PPM1H: variants seen among roughly 807,000 people sequenced by gnomAD.
PPM1H encodes the protein protein phosphatase 1H.
A neutral mutation model predicts 54.9 loss-of-function variants in PPM1H; 27 were observed. That is an observed-to-expected ratio of 0.49 (90% CI 0.36 to 0.68). The LOEUF is 0.68. Ranked by LOEUF, PPM1H falls within the 30% of genes least tolerant of loss-of-function variation. The probability of loss-of-function intolerance (pLI) is 0.00; values close to 1 mark genes in which losing one functional copy is unlikely to be tolerated. For synonymous variants in PPM1H, 305 were observed against 270.8 expected (o/e 1.13, Z -1.24); for missense variants, 596 against 667.8 (o/e 0.89, Z 1.19).
At chr12:62,921,761 C>A (rs1399073092) in intron 1 of PPM1H, among the ~76,000 whole-genome samples, 1 of 152,130 alleles carries the variant, frequency 6.6e-6, no homozygotes, top group Non-Finnish European at 1.5e-5. Context: ...CCAGCCAGGG[C>A]AACACAGTGA....
intron 4 of PPM1H, chr12:62,755,970 G>C (rs2076472059): frequency 9.2e-7 from 1 of 1,091,640 alleles, no homozygotes; most frequent in Non-Finnish European, 1.4e-6. Flanking sequence ...CTGAACTGCT[G>C]TCTGGAAAAA....
chr12:62,786,011 C>G (rs921689987), intron 4 of PPM1H, among the ~76,000 whole-genome samples: 1 of 152,094 alleles, frequency 6.6e-6, no homozygotes, highest in African/African-American at 2.4e-5. Context: ...GTAGGGTGGG[C>G]CTGTTTCCAG....
chr12:62,883,225 T>C (rs142447139), intron 1 of PPM1H, among the ~76,000 whole-genome samples: 290 of 152,210 alleles, frequency 1.9e-3, no homozygotes, highest in African/African-American at 6.7e-3. Context: ...GGGGAGAAGT[T>C]GCTAATCTGC....
At chr12:62,722,893 A>C (rs1342229984) in intron 5 of PPM1H, among the ~76,000 whole-genome samples, 3 of 152,176 alleles carry the variant, frequency 2.0e-5, no homozygotes, top group Non-Finnish European at 4.4e-5. Flanking sequence ...TCATATATGC[A>C]CAGATCTTTA....
intron 1 of PPM1H, among the ~76,000 whole-genome samples, chr12:62,881,579 C>T (rs1380423918): frequency 6.6e-6 from 1 of 152,166 alleles, no homozygotes; most frequent in African/African-American, 2.4e-5. Flanking sequence ...ATTGCATAAG[C>T]CAATTCCTTG....
chr12:62,719,290 T>A (rs891529611), intron 6 of PPM1H, among the ~76,000 whole-genome samples: 2 of 152,188 alleles, frequency 1.3e-5, no homozygotes, highest in Non-Finnish European at 2.9e-5. Context: ...GGGGAAGAGA[T>A]AAGAAAATCT....
At chr12:62,773,345 C>A (rs2120655529) in intron 4 of PPM1H, among the ~76,000 whole-genome samples, 1 of 152,100 alleles carries the variant, frequency 6.6e-6, no homozygotes, top group Middle Eastern at 3.4e-3. Context: ...TGTGGTGGCA[C>A]ATGCCTGTGA....
At chr12:62,688,219 C>T (rs1376334018) in intron 8 of PPM1H, among the ~76,000 whole-genome samples, 4 of 152,034 alleles carry the variant, frequency 2.6e-5, no homozygotes, top group African/African-American at 9.7e-5. Flanking sequence ...ACAGAGGCTG[C>T]CCCTCCTTTC....
At chr12:62,858,108 T>TC (rs1305845883) in intron 1 of PPM1H, among the ~76,000 whole-genome samples, 1 of 143,952 alleles carries the variant, frequency 6.9e-6, no homozygotes, top group African/African-American at 2.6e-5. Context: ...CCCCTACCAC[T>TC]CCCCAGATAA....
chr12:62,879,942 G>A (rs144735880), intron 1 of PPM1H, among the ~76,000 whole-genome samples: 196 of 152,222 alleles, frequency 1.3e-3, no homozygotes, highest in African/African-American at 4.6e-3. Flanking sequence ...AGACAGCCTG[G>A]ATTAGACACT....
At chr12:62,902,560 C>T (rs1182889124) in intron 1 of PPM1H, among the ~76,000 whole-genome samples, 1 of 152,122 alleles carries the variant, frequency 6.6e-6, no homozygotes. Context: ...CTCATGGGGT[C>T]CCCCCGCCCC....
At chr12:62,723,579 C>T (rs2076274762) in intron 5 of PPM1H, among the ~76,000 whole-genome samples, 1 of 152,178 alleles carries the variant, frequency 6.6e-6, no homozygotes, top group South Asian at 2.1e-4. Context: ...TCTTGCCCTT[C>T]CACCTTCTGC....
chr12:62,810,336 A>C (rs1475928318), intron 2 of PPM1H, among the ~76,000 whole-genome samples: 2 of 152,132 alleles, frequency 1.3e-5, no homozygotes, highest in African/African-American at 4.8e-5. Context: ...CCAAGCAAAT[A>C]AGGAGTCTGC....
intron 4 of PPM1H, among the ~76,000 whole-genome samples, chr12:62,785,912 G>C (rs539665896): frequency 6.6e-6 from 1 of 151,718 alleles, no homozygotes; most frequent in Admixed American, 6.6e-5. Flanking sequence ...GTTGAGTCTC[G>C]AAGAACAGTC....
chr12:62,659,960 A>G (rs548880951), intron 9 of PPM1H, among the ~76,000 whole-genome samples: 1 of 152,340 alleles, frequency 6.6e-6, no homozygotes, highest in African/African-American at 2.4e-5. Flanking sequence ...TCTCCACTGA[A>G]AATTAAACAG....
Position 62,646,794 on chromosome 12 carries a change from AGCAG to A in PPM1H, c.*1691_*1694del, listed in dbSNP as rs1286952279. On this transcript the variant is annotated 3_prime_UTR_variant, in exon 10 of 10. Transcript: ENST00000228705. ...ACACCCTGGAATGAGTTCTTTCCTG[AGCAG>A]GAGGGGCTCCAGGCCTTTTCGAATA... 2.0e-5 allele frequency: 3 copies of A among 152,224 alleles called. No individual in the cohort carries two copies. The highest frequency in any genetic ancestry group is 6.5e-5 in the Admixed American group (1 of 15,290). The allele number at this position is 152,224 out of a possible 1,614,324, so 9.4% of individuals were successfully genotyped here.
At chr12:62,791,044 A>C (rs570965710) in intron 3 of PPM1H, among the ~76,000 whole-genome samples, 5 of 152,298 alleles carry the variant, frequency 3.3e-5, no homozygotes, top group South Asian at 2.1e-4. Context: ...GTAGTTTAAT[A>C]AATATCTGTT....
chr12:62,879,234 C>T (rs11834594), intron 1 of PPM1H, among the ~76,000 whole-genome samples: 5,973 of 152,260 alleles, frequency 0.039, 356 homozygotes, highest in African/African-American at 0.13. Flanking sequence ...TTCTCTCCTC[C>T]TCAAAATAGA....
chr12:62,846,997 C>T (rs1250931930), intron 1 of PPM1H, among the ~76,000 whole-genome samples: 1 of 152,190 alleles, frequency 6.6e-6, no homozygotes, highest in Admixed American at 6.5e-5. Context: ...GACTCCCTTT[C>T]TCCTAGACAT....
Sources: allele counts gnomAD v4.1 joint callset (sites outside exome capture counted in the v4.1 genomes callset), GRCh38; gene constraint gnomAD v4.1.1; transcripts MANE v1.5; gene names NCBI Gene and HGNC (gene_info 2026-07-23, HGNC 2026-07-21).